LRRFIP2: variants seen among roughly 807,000 people sequenced by gnomAD.
LRRFIP2 encodes leucine-rich repeat flightless-interacting protein 2.
Under a neutral mutation model 125.9 loss-of-function variants are expected in LRRFIP2, and 109 were observed. The observed-to-expected ratio is 0.87, with a 90% confidence interval of 0.74 to 1.01. The LOEUF is 1.01. LRRFIP2 is among the 50% of genes least tolerant of loss of function. The probability of loss-of-function intolerance (pLI) is 0.00; values close to 1 mark genes in which losing one functional copy is unlikely to be tolerated. For missense variants in LRRFIP2, 850 were observed against 862.3 expected (o/e 0.99, Z 0.18); for synonymous variants, 291 against 293.1 (o/e 0.99, Z 0.07).
At chr3:37,072,146 G>A (rs1483971910) in intron 21 of LRRFIP2, among the ~76,000 whole-genome samples, 2 of 152,068 alleles carry the variant, frequency 1.3e-5, no homozygotes, top group Non-Finnish European at 2.9e-5. Context: ...TTCCTGTAAC[G>A]TAAGGATATC....
intron 20 of LRRFIP2, among the ~76,000 whole-genome samples, chr3:37,074,340 G>A (rs921469646): frequency 6.6e-6 from 1 of 152,120 alleles, no homozygotes; most frequent in Non-Finnish European, 1.5e-5. Context: ...GCCTTTGATA[G>A]CCACACCTAG....
At chr3:37,159,819 T>C (rs1042724919) in intron 1 of LRRFIP2, among the ~76,000 whole-genome samples, 3 of 148,742 alleles carry the variant, frequency 2.0e-5, no homozygotes, top group Admixed American at 1.3e-4. Flanking sequence ...AGTTTCTCAA[T>C]TTCTGGAAGA....
At chr3:37,054,551 C>CCCAGT in intron 26 of LRRFIP2, 36 bp from the exon 27 acceptor site, 2 of 1,334,018 alleles carry the variant, frequency 1.5e-6, no homozygotes, top group Non-Finnish European at 2.1e-6. Context: ...TAGTACTGGG[C>CCCAGT]ACTAGAAGTC....
intron 21 of LRRFIP2, chr3:37,067,201 A>G (rs1023253004): frequency 4.6e-5 from 7 of 152,240 alleles, no homozygotes; most frequent in African/African-American, 1.7e-4. Context: ...AGTTCAGGAG[A>G]ATCAGGTTGG....
At chr3:37,080,166 G>A (rs1576235140) in intron 19 of LRRFIP2, among the ~76,000 whole-genome samples, 1 of 152,048 alleles carries the variant, frequency 6.6e-6, no homozygotes, top group Non-Finnish European at 1.5e-5. Context: ...TTGGGAGGCC[G>A]AGGTGGGTGG....
chr3:37,065,663 G>A, intron 23 of LRRFIP2, 147 bp downstream of exon 23: 2 of 947,800 alleles, frequency 2.1e-6, no homozygotes, highest in Admixed American at 1.9e-5. Flanking sequence ...TGAAGACAAT[G>A]TGCCAATGTG....
chr3:37,174,707 A>G (rs1186845772), upstream of LRRFIP2: 3 of 152,220 alleles, frequency 2.0e-5, no homozygotes, highest in African/African-American at 7.2e-5. Flanking sequence ...TTCAACTTTT[A>G]TTTCATTACC....
chr3:37,169,478 T>G (rs1237919935), intron 1 of LRRFIP2, among the ~76,000 whole-genome samples: 1 of 152,200 alleles, frequency 6.6e-6, no homozygotes, highest in Non-Finnish European at 1.5e-5. Context: ...CTTAGGTCAC[T>G]TAACTGGGAT....
intron 9 of LRRFIP2, 94 bp downstream of exon 9, chr3:37,110,897 A>G: frequency 9.2e-7 from 1 of 1,081,636 alleles, no homozygotes; most frequent in Admixed American, 2.1e-5. Context: ...AGCCATTTAC[A>G]GATTAGTTAC....
chr3:37,108,270 C>T, intron 12 of LRRFIP2, 141 bp from the exon 13 acceptor site: 1 of 656,138 alleles, frequency 1.5e-6, no homozygotes, highest in Non-Finnish European at 2.6e-6. Context: ...AGAACTCTAC[C>T]TCATCCCCAC....
At chr3:37,054,285 A>G in intron 27 of LRRFIP2, 126 bp downstream of exon 27, 2 of 743,006 alleles carry the variant, frequency 2.7e-6, no homozygotes, top group South Asian at 3.6e-5. Flanking sequence ...AAACCAACAC[A>G]AATTAGTTAA....
At chr3:37,054,931 A>C (rs1048288277) in intron 26 of LRRFIP2, among the ~76,000 whole-genome samples, 155 bp downstream of exon 26, 1 of 152,228 alleles carries the variant, frequency 6.6e-6, no homozygotes, top group Admixed American at 6.5e-5. Context: ...CAGAAGGCTA[A>C]AATGTCCCAA....
At chr3:37,064,776 T>A (rs1328512326) in intron 23 of LRRFIP2, 1 of 152,080 alleles carries the variant, frequency 6.6e-6, no homozygotes, top group Admixed American at 6.6e-5. Context: ...ACCACTACCC[T>A]CTGTAAACAG....
rs115183118 is a variant in LRRFIP2 at position 37,148,447 on chromosome 3, C to G, written c.90+447G>C. ...TAAGATCAGTTTTACCTAGTAGCTGCGGAAACGAACTGCTATAACTCTAAG... is the reference window on the plus strand; with the variant it reads ...TAAGATCAGTTTTACCTAGTAGCTGGGGAAACGAACTGCTATAACTCTAAG... On this transcript the variant is annotated intron_variant, in intron 2 of 27. Transcript: ENST00000336686. Among the ~76,000 whole-genome samples the G allele has an allele frequency of 2.3e-3, 356 of 152,246 alleles. 2 individuals are homozygous for G. Among genetic ancestry groups the G allele is most frequent in the African/African-American group, 8.0e-3 (331 of 41,550 alleles).
intron 6 of LRRFIP2, among the ~76,000 whole-genome samples, chr3:37,118,003 G>C (rs1169007816): frequency 6.6e-6 from 1 of 152,038 alleles, no homozygotes; most frequent in African/African-American, 2.4e-5. Flanking sequence ...AAGGCTACTG[G>C]TATATAAATA....
chr3:37,068,392 T>C (rs2090542153), intron 21 of LRRFIP2: 1 of 152,258 alleles, frequency 6.6e-6, no homozygotes, highest in African/African-American at 2.4e-5. Flanking sequence ...CATTTGCTCT[T>C]CTTCCACATC....
chr3:37,108,244 T>A, intron 12 of LRRFIP2, 115 bp from the exon 13 acceptor site: 1 of 775,056 alleles, frequency 1.3e-6, no homozygotes, highest in Non-Finnish European at 2.2e-6. Context: ...TAAAGGTAAC[T>A]GTTATTCAGT....
At chr3:37,058,730 A>G (rs2087660090) in intron 25 of LRRFIP2, 60 bp downstream of exon 25, 2 of 1,572,756 alleles carry the variant, frequency 1.3e-6, no homozygotes, top group African/African-American at 1.4e-5. Flanking sequence ...CTGCTGACAA[A>G]CCCACCCCTG....
At chr3:37,166,529 C>T (rs2096493101) in intron 1 of LRRFIP2, among the ~76,000 whole-genome samples, 1 of 152,056 alleles carries the variant, frequency 6.6e-6, no homozygotes, top group Admixed American at 6.6e-5. Context: ...CATAAGTAGA[C>T]ATTTCTTCAA....
Sources: allele counts gnomAD v4.1 joint callset (sites outside exome capture counted in the v4.1 genomes callset), GRCh38; gene constraint gnomAD v4.1.1; transcripts MANE v1.5; gene names NCBI Gene and HGNC (gene_info 2026-07-23, HGNC 2026-07-21).